STAG1: variants seen among roughly 807,000 people sequenced by gnomAD.
The protein encoded by STAG1 is cohesin subunit SA-1.
STAG1 carries 26 observed loss-of-function variants against 170.9 expected under a neutral mutation model. The observed-to-expected ratio is 0.15, with a 90% CI of 0.11 to 0.21. STAG1 has a LOEUF of 0.21. Ranked by LOEUF, STAG1 falls within the 10% of genes least tolerant of loss-of-function variation. The pLI, the probability that STAG1 is intolerant of heterozygous loss-of-function variation, is 1.00. For synonymous variants in STAG1, 514 were observed against 497.7 expected, an observed-to-expected ratio of 1.03 and a Z score of -0.44; for missense variants, 964 against 1,509.5, an observed-to-expected ratio of 0.64 and a Z score of 5.99.
At chr3:136,363,630 C>T (rs1936960880) in intron 25 of STAG1, among the ~76,000 whole-genome samples, 163 bp from the exon 26 acceptor site, 1 of 151,184 alleles carries the variant, frequency 6.6e-6, no homozygotes, top group Admixed American at 6.6e-5. Context: ...ATTTCTTCAT[C>T]TTAAACATAA....
intron 7 of STAG1, among the ~76,000 whole-genome samples, chr3:136,518,799 T>C (rs1934512706): frequency 6.6e-6 from 1 of 152,096 alleles, no homozygotes; most frequent in Non-Finnish European, 1.5e-5. Context: ...ATAGGCTACA[T>C]GATGATACTA....
At chr3:136,575,746 A>G (rs190501422) in intron 4 of STAG1, among the ~76,000 whole-genome samples, 1 of 150,612 alleles carries the variant, frequency 6.6e-6, no homozygotes, top group African/African-American at 2.4e-5. Flanking sequence ...CATGAATATC[A>G]GTAATAAGAC....
intron 12 of STAG1, among the ~76,000 whole-genome samples, chr3:136,467,057 T>C (rs2089483982): frequency 1.3e-5 from 2 of 152,114 alleles, no homozygotes; most frequent in South Asian, 2.1e-4. Context: ...ACATGCCAAA[T>C]TGTAAAGACC....
At chr3:136,489,276 T>C (rs2090076684) in intron 9 of STAG1, among the ~76,000 whole-genome samples, 1 of 152,216 alleles carries the variant, frequency 6.6e-6, no homozygotes, top group Non-Finnish European at 1.5e-5. Flanking sequence ...CCCTTTAATA[T>C]GGTATCTGGA....
At chr3:136,666,118 A>T in intron 1 of STAG1, among the ~76,000 whole-genome samples, 1 of 142,888 alleles carries the variant, frequency 7.0e-6, no homozygotes, top group Non-Finnish European at 1.5e-5. Context: ...AAAAGAAAGA[A>T]ATGCAAGTGG....
At chr3:136,622,149 A>G (rs942637752) in intron 3 of STAG1, among the ~76,000 whole-genome samples, 1 of 150,308 alleles carries the variant, frequency 6.7e-6, no homozygotes, top group Admixed American at 6.6e-5. Flanking sequence ...AAAAAAAAAA[A>G]AAAAAAAAAG....
At chr3:136,429,678 A>C (rs1378151378) in intron 16 of STAG1, among the ~76,000 whole-genome samples, 1 of 152,130 alleles carries the variant, frequency 6.6e-6, no homozygotes, top group Non-Finnish European at 1.5e-5. Flanking sequence ...AAAAGACAGA[A>C]ATTACAATGT....
intron 2 of STAG1, 29 bp from the exon 3 acceptor site, chr3:136,623,277 CAA>C (rs1336819290): frequency 6.3e-7 from 1 of 1,587,732 alleles, no homozygotes; most frequent in Non-Finnish European, 8.6e-7. Flanking sequence ...TTTTAGCGAA[CAA>C]ATTAATAAGT....
intron 9 of STAG1, among the ~76,000 whole-genome samples, chr3:136,485,935 C>G (rs988000521): frequency 3.3e-4 from 50 of 151,992 alleles, no homozygotes; most frequent in African/African-American, 1.1e-3. Context: ...AAGTTGTTTC[C>G]AAGGTTTTGC....
At chr3:136,557,279 A>G (rs1377699647) in intron 5 of STAG1, among the ~76,000 whole-genome samples, 3 of 152,086 alleles carry the variant, frequency 2.0e-5, no homozygotes, top group Admixed American at 2.0e-4. Flanking sequence ...CATCTAAGAG[A>G]CCAATTAGCA....
At chr3:136,582,902 G>A (rs1937622991) in intron 4 of STAG1, among the ~76,000 whole-genome samples, 1 of 152,174 alleles carries the variant, frequency 6.6e-6, no homozygotes, top group East Asian at 1.9e-4. Context: ...GCAAAGGGTT[G>A]CCACAATAGT....
chr3:136,620,826 C>A (rs1428618468), intron 3 of STAG1, among the ~76,000 whole-genome samples: 1 of 152,116 alleles, frequency 6.6e-6, no homozygotes, highest in Non-Finnish European at 1.5e-5. Context: ...CATGAACATG[C>A]ACTATTTACT....
chr3:136,598,327 T>C (rs1161909817), intron 4 of STAG1, among the ~76,000 whole-genome samples: 5 of 152,190 alleles, frequency 3.3e-5, no homozygotes, highest in Non-Finnish European at 5.9e-5. Context: ...AACACATCTA[T>C]CCAAGTAATG....
At position 136,370,981 on chromosome 3, in the gene STAG1, T is replaced by C. The variant is rs190075571; in HGVS notation, c.2371-1699A>G. ...AACTAGTTTATAGTCCCACCAACAA[T>C]GTAAGTGTTCCTATTTCTCCACATC... On this transcript the variant is annotated intron_variant, in intron 23 of 33. Transcript: ENST00000383202. Among the ~76,000 whole-genome samples the C allele has an allele frequency of 2.0e-4, 30 of 152,326 alleles. No individual in the cohort carries two copies. The East Asian group carries it at 5.6e-3, about 28-fold the overall frequency.
rs187402369 is a variant in STAG1 at position 136,652,526 on chromosome 3, T to C, written c.-83-21545A>G. The stretch of plus-strand genomic sequence containing the variant: ...CAAAGACGCCTATTACCACTGCTAC[T>C]GTTTAATAAAATAGTAAAGGTTCTG... On this transcript the variant is annotated intron_variant, in intron 1 of 33. Transcript: ENST00000383202. 1.1e-3 allele frequency among the ~76,000 whole-genome samples: 163 copies of C among 152,314 alleles called. 1 individual carries two copies. The East Asian group carries it at 0.011, about 10-fold the overall frequency.
intron 15 of STAG1, among the ~76,000 whole-genome samples, chr3:136,439,660 C>T (rs6802477): frequency 3.9e-5 from 6 of 152,084 alleles, no homozygotes; most frequent in Admixed American, 6.6e-5. Flanking sequence ...AATACTAGCA[C>T]AGAAAATTAA....
At chr3:136,572,106 T>G (rs1937282879) in intron 4 of STAG1, among the ~76,000 whole-genome samples, 1 of 152,014 alleles carries the variant, frequency 6.6e-6, no homozygotes, top group Admixed American at 6.6e-5. Context: ...TCCCAGTTAC[T>G]TAGGAGGCTG....
chr3:136,349,376 T>G lies in STAG1; in HGVS notation c.3066-13A>C, dbSNP rs371335681. On this transcript the variant is annotated splice_polypyrimidine_tract_variant and intron_variant, in intron 28 of 33. Coordinates refer to ENST00000383202, the MANE Select transcript of STAG1 (RefSeq NM_005862.3). ...TAGGTATGAATGACTAGAAACACAA[T>G]AGAAACAGCAGTGATTTTCAGAGAA... is the stretch of plus-strand genomic sequence containing the variant. The G allele has an allele frequency of 6.3e-7, 1 of 1,596,708 alleles. No homozygotes were observed. Among genetic ancestry groups the G allele is most frequent in the African/African-American group, 1.3e-5 (1 of 74,726 alleles).
chr3:136,546,682 A>G (rs1174929284), intron 5 of STAG1, among the ~76,000 whole-genome samples: 2 of 152,194 alleles, frequency 1.3e-5, no homozygotes, highest in African/African-American at 4.8e-5. Flanking sequence ...GCCAGGTTTC[A>G]TTTCTAAATT....
Sources: gnomAD v4.1 joint callset for allele counts (sites outside exome capture counted in the v4.1 genomes callset) on GRCh38, gnomAD v4.1.1 for gene constraint, MANE v1.5 for transcripts, NCBI Gene and HGNC (gene_info 2026-07-23, HGNC 2026-07-21) for gene names.